LINGO2: variants seen among roughly 807,000 people sequenced by gnomAD.
LINGO2 encodes the protein leucine rich repeat and Ig domain containing 2, also known as leucine-rich repeat and immunoglobulin-like domain-containing nogo receptor-interacting protein 2.
LINGO2 carries 14 observed loss-of-function variants against 30.6 expected under a neutral mutation model. The ratio of observed to expected loss-of-function variants is 0.46; its 90% CI spans 0.30 to 0.72. The LOEUF is 0.72. Among genes scored for constraint, LINGO2 ranks in the 30% least tolerant of loss-of-function variants. The pLI is 0.07. For missense variants in LINGO2, 729 were observed against 751.7 expected (o/e 0.97, Z 0.35); for synonymous variants, 317 against 288.5 (o/e 1.10, Z -1.00).
the LINGO2 span, among the ~76,000 whole-genome samples, chr9:29,179,555 C>T: frequency 6.6e-6 from 1 of 152,034 alleles, no homozygotes; most frequent in Non-Finnish European, 1.5e-5. Context: ...CACATGTGTG[C>T]CACCATGTCT....
chr9:28,217,276 A>T (rs1820800560), intron 4 of LINGO2, among the ~76,000 whole-genome samples: 1 of 151,822 alleles, frequency 6.6e-6, no homozygotes, highest in Admixed American at 6.6e-5. Context: ...TAGTAAAATT[A>T]ATTAGGTAAT....
chr9:28,233,788 C>G (rs1282166370), intron 4 of LINGO2, among the ~76,000 whole-genome samples: 1 of 152,142 alleles, frequency 6.6e-6, no homozygotes. Context: ...TTGTGAGGCC[C>G]CATTCCAGGC....
At chr9:28,150,252 G>A (rs930641898) in intron 4 of LINGO2, among the ~76,000 whole-genome samples, 50 of 152,210 alleles carry the variant, frequency 3.3e-4, no homozygotes, top group African/African-American at 1.2e-3. Context: ...GGGAAGTGAG[G>A]AGCATCTCTG....
chr9:28,858,767 A>C, the LINGO2 span, among the ~76,000 whole-genome samples: 1 of 152,234 alleles, frequency 6.6e-6, no homozygotes, highest in East Asian at 1.9e-4. Flanking sequence ...CCCAGATAAA[A>C]CTGAGAAGTG....
intron 5 of LINGO2, among the ~76,000 whole-genome samples, chr9:28,009,868 G>C (rs1297596359): frequency 6.6e-6 from 1 of 151,964 alleles, no homozygotes; most frequent in African/African-American, 2.4e-5. Flanking sequence ...TCTACTCCTG[G>C]GTACATACTC....
In LINGO2 at chr9:28,634,332, G is replaced by C. The variant is rs77604240; in HGVS notation, c.-365+35868C>G. On this transcript the variant is annotated intron_variant, in intron 1 of 5. Coordinates refer to ENST00000379992, the Ensembl canonical transcript of LINGO2. ...TTTAAATTTACTATAAGTTGCATAA[G>C]TTCTCTAGAGGTCCATGCAGACAAT... 9.4e-3 allele frequency among the ~76,000 whole-genome samples: 1,430 copies of C among 152,032 alleles called. 27 individuals are homozygous for C. The highest frequency in any genetic ancestry group is 0.079 in the East Asian group (409 of 5,162).
At chr9:28,908,132 G>C in the LINGO2 span, among the ~76,000 whole-genome samples, 3 of 129,510 alleles carry the variant, frequency 2.3e-5, no homozygotes, top group Admixed American at 8.4e-5. Flanking sequence ...TTCAATCATG[G>C]GAAGCTATAC....
At chr9:29,165,476 T>C in the LINGO2 span, among the ~76,000 whole-genome samples, 3 of 152,098 alleles carry the variant, frequency 2.0e-5, no homozygotes, top group African/African-American at 7.2e-5. Context: ...CTGAACATAA[T>C]TTAATGATCC....
At chr9:28,986,565 G>A in the LINGO2 span, among the ~76,000 whole-genome samples, 4 of 151,770 alleles carry the variant, frequency 2.6e-5, no homozygotes, top group African/African-American at 9.7e-5. Flanking sequence ...ATGTTTTATA[G>A]TTTTCAATAT....
At chr9:28,814,614 G>A in the LINGO2 span, among the ~76,000 whole-genome samples, 101 of 152,206 alleles carry the variant, frequency 6.6e-4, 1 homozygote, top group East Asian at 0.015. Context: ...ATGGCTGGGC[G>A]TGGTGGCTCA....
intron 5 of LINGO2, among the ~76,000 whole-genome samples, chr9:27,954,775 T>C (rs555025973): frequency 6.6e-6 from 1 of 152,322 alleles, no homozygotes. Context: ...AGCAGTGGGA[T>C]TGCTGGATCA....
intron 2 of LINGO2, among the ~76,000 whole-genome samples, chr9:28,410,281 C>T (rs113453115): frequency 1.6e-3 from 239 of 152,102 alleles, no homozygotes; most frequent in Admixed American, 6.4e-3. Flanking sequence ...GAAGAAATTA[C>T]GAACCAGGCA....
chr9:28,506,493 C>G lies in LINGO2; in HGVS notation c.-364-30468G>C, dbSNP rs372082399. On this transcript the variant is annotated intron_variant, in intron 1 of 5. Coordinates refer to ENST00000379992, the Ensembl canonical transcript of LINGO2. ...ACACACACACACATACACATACACA[C>G]ACACACACAGACATATATATATATA... Among the ~76,000 whole-genome samples, 62 of 80,476 alleles carry G rather than the reference C, an allele frequency of 7.7e-4. 15 individuals carry two copies. The highest frequency in any genetic ancestry group is 1.0e-3 in the African/African-American group (22 of 21,392). 52.8% of individuals were successfully genotyped at this position (80,476 alleles called of 152,430 possible).
At chr9:29,050,092 C>T in the LINGO2 span, among the ~76,000 whole-genome samples, 2 of 151,722 alleles carry the variant, frequency 1.3e-5, no homozygotes, top group African/African-American at 4.8e-5. Context: ...GTGGTACAAT[C>T]TCGGCTCACT....
intron 4 of LINGO2, among the ~76,000 whole-genome samples, chr9:28,029,610 G>A (rs1197926): frequency 0.99 from 150,576 of 152,288 alleles, 74,467 homozygotes; most frequent in East Asian, 1. Context: ...AGTTGATGTC[G>A]GATATAAAAA....
chr9:28,224,439 T>C (rs1034906902), intron 4 of LINGO2, among the ~76,000 whole-genome samples: 1 of 152,208 alleles, frequency 6.6e-6, no homozygotes, highest in African/African-American at 2.4e-5. Context: ...TCATATAATA[T>C]ATAATGATTA....
the LINGO2 span, among the ~76,000 whole-genome samples, chr9:28,721,664 TG>T: frequency 1.3e-5 from 2 of 151,852 alleles, no homozygotes; most frequent in Admixed American, 6.6e-5. Context: ...TGTTGGGGGA[TG>T]GGGAGAATGG....
chr9:28,045,725 G>A (rs1824390180), intron 4 of LINGO2, among the ~76,000 whole-genome samples: 1 of 151,516 alleles, frequency 6.6e-6, no homozygotes, highest in African/African-American at 2.4e-5. Flanking sequence ...AATTTTCACA[G>A]GTACTATGCT....
At chr9:28,341,300 C>T (rs1234087223) in intron 3 of LINGO2, among the ~76,000 whole-genome samples, 1 of 152,028 alleles carries the variant, frequency 6.6e-6, no homozygotes, top group African/African-American at 2.4e-5. Flanking sequence ...TAAAACACAA[C>T]AGAAAGAGAT....
Sources: allele counts gnomAD v4.1 joint callset (sites outside exome capture counted in the v4.1 genomes callset), GRCh38; gene constraint gnomAD v4.1.1; transcripts MANE v1.5; gene names NCBI Gene and HGNC (gene_info 2026-07-23, HGNC 2026-07-21).